The following MAGI2 variants were observed in gnomAD, a reference collection of about 807,000 sequenced individuals.
The protein encoded by MAGI2 is membrane-associated guanylate kinase, WW and PDZ domain-containing protein 2.
MAGI2 carries 35 observed loss-of-function variants against 133.3 expected under a neutral mutation model. The ratio of observed to expected loss-of-function variants is 0.26; its 90% CI spans 0.20 to 0.35. The LOEUF (loss-of-function observed/expected upper bound fraction) is 0.35, where lower values mean the gene tolerates loss of function less well. Among genes scored for constraint, MAGI2 ranks in the 10% least tolerant of loss-of-function variants. MAGI2 has a pLI of 1.00. For missense variants in MAGI2, 1,636 were observed against 1,863.4 expected (o/e 0.88, Z 2.25); for synonymous variants, 729 against 710.6 (o/e 1.03, Z -0.41).
At chr7:79,417,159 C>T (rs2886214) in intron 1 of MAGI2, among the ~76,000 whole-genome samples, 37,770 of 152,002 alleles carry the variant, frequency 0.25, 6,740 homozygotes, top group African/African-American at 0.51. Flanking sequence ...CTGACTTGCA[C>T]AAATAAGGCA....
At chr7:79,191,258 AT>A (rs895358873) in intron 1 of MAGI2, among the ~76,000 whole-genome samples, 2 of 151,576 alleles carry the variant, frequency 1.3e-5, no homozygotes, top group African/African-American at 4.9e-5. Context: ...TTAGAGAATA[AT>A]TTGAAAGAGT....
At chr7:78,625,961 A>G (rs1404174008) in intron 3 of MAGI2, among the ~76,000 whole-genome samples, 1 of 152,202 alleles carries the variant, frequency 6.6e-6, no homozygotes, top group African/African-American at 2.4e-5. Context: ...ATGATGAAAT[A>G]GCCTAACCAT....
chr7:78,344,192 GAC>G (rs1790670619), intron 8 of MAGI2, among the ~76,000 whole-genome samples: 1 of 152,158 alleles, frequency 6.6e-6, no homozygotes, highest in Non-Finnish European at 1.5e-5. Flanking sequence ...TTGGTTTGGA[GAC>G]AGACTTTTTG....
At chr7:78,458,122 A>C (rs527693214) in intron 6 of MAGI2, among the ~76,000 whole-genome samples, 2 of 151,818 alleles carry the variant, frequency 1.3e-5, no homozygotes, top group East Asian at 1.9e-4. Context: ...ATGGTGAAAC[A>C]CCGTCTCTAC....
At chr7:78,661,519 C>T (rs1197664677) in intron 2 of MAGI2, among the ~76,000 whole-genome samples, 13 of 152,132 alleles carry the variant, frequency 8.5e-5, no homozygotes, top group Non-Finnish European at 1.8e-4. Context: ...GAATGTTAAC[C>T]GTTTCCTCCT....
intron 4 of MAGI2, among the ~76,000 whole-genome samples, chr7:78,509,957 C>T (rs907640480): frequency 1.3e-5 from 2 of 151,998 alleles, no homozygotes; most frequent in Non-Finnish European, 2.9e-5. Flanking sequence ...ATTTATTTTA[C>T]CCTGTGATTT....
At chr7:78,769,714 C>T (rs1398990656) in intron 2 of MAGI2, among the ~76,000 whole-genome samples, 1 of 152,170 alleles carries the variant, frequency 6.6e-6, no homozygotes, top group Non-Finnish European at 1.5e-5. Flanking sequence ...AGTGCACTGC[C>T]AGAGCGCATC....
intron 2 of MAGI2, among the ~76,000 whole-genome samples, chr7:78,932,690 C>A (rs1800227542): frequency 6.6e-6 from 1 of 151,890 alleles, no homozygotes. Context: ...AGGATGGCTG[C>A]AGAAATTTAA....
intron 3 of MAGI2, among the ~76,000 whole-genome samples, chr7:78,549,740 A>C (rs1203355933): frequency 6.6e-6 from 1 of 152,200 alleles, no homozygotes; most frequent in East Asian, 1.9e-4. Context: ...ATTTCCTATG[A>C]CCTATAAAAC....
chr7:78,982,335 T>C (rs1304765386), intron 2 of MAGI2, among the ~76,000 whole-genome samples: 1 of 151,916 alleles, frequency 6.6e-6, no homozygotes, highest in Non-Finnish European at 1.5e-5. Context: ...TAAGCTTCAG[T>C]TTATTCATGA....
chr7:79,388,710 A>G (rs370227205), intron 1 of MAGI2, among the ~76,000 whole-genome samples: 1 of 151,810 alleles, frequency 6.6e-6, no homozygotes, highest in African/African-American at 2.4e-5. Context: ...TGTACATTCC[A>G]CTCTTAATGA....
chr7:78,689,614 G>C (rs536954626), intron 2 of MAGI2, among the ~76,000 whole-genome samples: 10 of 147,742 alleles, frequency 6.8e-5, no homozygotes, highest in African/African-American at 2.2e-4. Context: ...TGTCACTATA[G>C]ATTAGTTTTG....
chr7:78,444,855 A>G lies in MAGI2; in HGVS notation c.1045+44906T>C, dbSNP rs529483098. On this transcript the variant is annotated intron_variant, in intron 6 of 21. Coordinates refer to ENST00000354212, the MANE Select transcript of MAGI2 (RefSeq NM_012301.4). Reference sequence around the variant, plus strand: ...TTATATAATGTATAAATGTAAATATATAAAAATATATAAATTTATATTTAT... The same window carrying G: ...TTATATAATGTATAAATGTAAATATGTAAAAATATATAAATTTATATTTAT... Among the ~76,000 whole-genome samples the G allele has an allele frequency of 2.5e-4, 37 of 148,372 alleles. No homozygotes were observed. In the South Asian group the frequency reaches 7.8e-3, roughly 31 times the overall value.
intron 1 of MAGI2, among the ~76,000 whole-genome samples, chr7:79,080,127 A>G (rs568753796): frequency 1.3e-5 from 2 of 152,092 alleles, no homozygotes; most frequent in Non-Finnish European, 2.9e-5. Flanking sequence ...ACCCTTCCTT[A>G]ATGTTCATTT....
intron 1 of MAGI2, among the ~76,000 whole-genome samples, chr7:79,102,727 A>G (rs1384670680): frequency 6.6e-6 from 1 of 152,226 alleles, no homozygotes; most frequent in East Asian, 1.9e-4. Context: ...AAGACATTTT[A>G]GTTGATTTAA....
intron 21 of MAGI2, among the ~76,000 whole-genome samples, chr7:78,023,525 AAAT>A (rs1474440659): frequency 6.6e-6 from 1 of 152,184 alleles, no homozygotes; most frequent in Non-Finnish European, 1.5e-5. Context: ...CTACAATTAG[AAAT>A]AATAGAGACC....
chr7:78,715,574 A>G (rs1317683884), intron 2 of MAGI2, among the ~76,000 whole-genome samples: 2 of 152,198 alleles, frequency 1.3e-5, no homozygotes, highest in East Asian at 1.9e-4. Flanking sequence ...GAAAGCTGTA[A>G]GAAAGCAATG....
At chr7:79,187,728 A>G (rs1827290298) in intron 1 of MAGI2, among the ~76,000 whole-genome samples, 1 of 151,844 alleles carries the variant, frequency 6.6e-6, no homozygotes, top group African/African-American at 2.4e-5. Flanking sequence ...CCAAATTTAT[A>G]AAAACAAAAA....
chr7:79,187,979 A>C (rs904919930), intron 1 of MAGI2, among the ~76,000 whole-genome samples: 1 of 151,808 alleles, frequency 6.6e-6, no homozygotes, highest in Admixed American at 6.6e-5. Flanking sequence ...TTTCCACTAA[A>C]AGGTTTATTT....
Sources: allele counts gnomAD v4.1 joint callset (sites outside exome capture counted in the v4.1 genomes callset), GRCh38; gene constraint gnomAD v4.1.1; transcripts MANE v1.5; gene names NCBI Gene and HGNC (gene_info 2026-07-23, HGNC 2026-07-21).